The following SERBP1 variants were observed in gnomAD, a reference collection of about 807,000 sequenced individuals.
SERBP1 encodes SERPINE1 mRNA-binding protein 1.
SERBP1 carries 6 observed loss-of-function variants against 50.2 expected under a neutral mutation model. The observed-to-expected ratio is 0.12, with a 90% confidence interval of 0.07 to 0.24. SERBP1 has a LOEUF of 0.24. SERBP1 is among the 10% of genes least tolerant of loss of function. The probability of loss-of-function intolerance (pLI) is 1.00; values close to 1 mark genes in which losing one functional copy is unlikely to be tolerated. For synonymous variants in SERBP1, 168 were observed against 182.8 expected (o/e 0.92, Z 0.65); for missense variants, 346 against 524.9 (o/e 0.66, Z 3.33).
chr1:67,420,910 C>G (rs560172154), intron 5 of SERBP1, among the ~76,000 whole-genome samples: 1 of 152,310 alleles, frequency 6.6e-6, no homozygotes, highest in East Asian at 1.9e-4. Context: ...ATCCTTTCCT[C>G]TTTTTACAGA....
rs1427512836 is a variant in SERBP1, at chr1:67,412,671, CTAAGT to C, written c.*531_*535del. On this transcript the variant is annotated 3_prime_UTR_variant, in exon 8 of 8. Coordinates refer to ENST00000361219, the MANE Select transcript of SERBP1 (RefSeq NM_001018069.2). ...TTCCCCAAAAATGAAAATATTAAAA[CTAAGT>C]TAAAATACATATAGTTAGTATTCCA... The C allele has an allele frequency of 1.3e-5, 2 of 152,532 alleles. No individual in the cohort carries two copies. The highest frequency in any genetic ancestry group is 2.4e-5 in the African/African-American group (1 of 41,392). 9.4% of individuals were successfully genotyped at this position (152,532 alleles called of 1,614,324 possible).
intron 5 of SERBP1, 55 bp from the exon 6 acceptor site, chr1:67,420,241 G>T: frequency 7.7e-7 from 1 of 1,304,592 alleles, no homozygotes; most frequent in Non-Finnish European, 1.1e-6. Context: ...TTACATAAAA[G>T]TATTTTAAAT....
rs188914704 is a variant in SERBP1, at chr1:67,410,109, C to G, written c.*3098G>C. The G allele has an allele frequency of 6.6e-6, 1 of 152,152 alleles. No individual in the cohort carries two copies. The highest frequency in any genetic ancestry group is 2.4e-5 in the African/African-American group (1 of 41,442). 9.4% of individuals were successfully genotyped at this position (152,152 alleles called of 1,614,324 possible). A position where few individuals can be genotyped will look rare whatever the true frequency, so the allele number is the denominator to read the frequency against. On this transcript the variant is annotated 3_prime_UTR_variant, in exon 8 of 8. Coordinates refer to ENST00000361219, the MANE Select transcript of SERBP1 (RefSeq NM_001018069.2). ...ATTGGACTGGAGGTCCACTAATATA[C>G]CTGAATAATCTTACCTCTAAGGTCA...
At position 67,415,632 on chromosome 1, in the gene SERBP1, C is replaced by A. The variant is rs75256068; in HGVS notation, c.952-293G>T. 2.7e-4 allele frequency among the ~76,000 whole-genome samples: 41 copies of A among 152,306 alleles called. No individual in the cohort carries two copies. The East Asian group carries it at 7.9e-3, about 29-fold the overall frequency. The stretch of plus-strand genomic sequence containing the variant: ...ACGGCTGAAGCCCATCCTAGACCTA[C>A]TGAATCATAATCTTTAGCAGTGAAA... On this transcript the variant is annotated intron_variant, in intron 6 of 7. Coordinates refer to ENST00000361219, the MANE Select transcript of SERBP1 (RefSeq NM_001018069.2).
chr1:67,415,681 T>C (rs1462060841), intron 6 of SERBP1, among the ~76,000 whole-genome samples: 3 of 152,178 alleles, frequency 2.0e-5, no homozygotes, highest in East Asian at 1.9e-4. Context: ...ATTTTAAATA[T>C]GCCCTTCAGA....
At chr1:67,417,042 G>C (rs531072638) in intron 6 of SERBP1, among the ~76,000 whole-genome samples, 11 of 152,256 alleles carry the variant, frequency 7.2e-5, no homozygotes, top group African/African-American at 2.6e-4. Context: ...CAGAAGGGCT[G>C]CTTGAGTCCA....
At chr1:67,422,716 T>C (rs1003096400) in intron 5 of SERBP1, among the ~76,000 whole-genome samples, 2 of 152,050 alleles carry the variant, frequency 1.3e-5, no homozygotes, top group African/African-American at 4.8e-5. Context: ...TCCCAGCACT[T>C]TGGAAGGCCA....
intron 6 of SERBP1, among the ~76,000 whole-genome samples, chr1:67,418,700 G>A (rs1327028836): frequency 2.0e-5 from 3 of 152,010 alleles, no homozygotes; most frequent in African/African-American, 7.3e-5. Flanking sequence ...TGGAGGTTGC[G>A]GTAAGCAGAG....
intron 6 of SERBP1, among the ~76,000 whole-genome samples, chr1:67,417,971 GT>G (rs397861816): frequency 0.2 from 15,029 of 76,300 alleles, 418 homozygotes; most frequent in East Asian, 0.36. Flanking sequence ...TTAAAGTGTT[GT>G]TTTTTTTTTT....
chr1:67,423,298 C>T (rs1667262858), intron 5 of SERBP1, among the ~76,000 whole-genome samples: 2 of 145,848 alleles, frequency 1.4e-5, no homozygotes, highest in Non-Finnish European at 1.5e-5. Context: ...CTCCATCTCA[C>T]ACACACAAAA....
chr1:67,425,207 G>A lies in SERBP1; in HGVS notation c.481C>T (p.Pro161Ser). ...CCAAGACCACCACGACCTCGAATAG[G>A]TCGGTCAATAATCGGTCTATAATAT... ...FSVDRPIIDR[P>S]IRGRGGLGRG... The change falls in exon 3 of 8, where the codon CCT becomes TCT. Residue 161 changes from proline to serine, a missense_variant. Around this residue, in one of 5 missense-constraint regions of SERBP1, gnomAD observed 257 missense variants for 331.2 expected, o/e 0.78. Coordinates refer to ENST00000361219, the MANE Select transcript of SERBP1 (RefSeq NM_001018069.2). 2 of 1,607,756 alleles carry A rather than the reference G, an allele frequency of 1.2e-6. No individual in the cohort carries two copies. The highest frequency in any genetic ancestry group is 1.3e-5 in the African/African-American group (1 of 74,574).
At position 67,412,790 on chromosome 1, in the gene SERBP1, C is replaced by G. The variant is rs1344542645; in HGVS notation, c.*417G>C. 6.1e-6 allele frequency: 1 copy of G among 163,740 alleles called. No individual in the cohort carries two copies. The highest frequency in any genetic ancestry group is 2.4e-5 in the African/African-American group (1 of 41,668). 10.1% of individuals were successfully genotyped at this position (163,740 alleles called of 1,614,324 possible). A position where few individuals can be genotyped will look rare whatever the true frequency, so the allele number is the denominator to read the frequency against. On this transcript the variant is annotated 3_prime_UTR_variant, in exon 8 of 8. Transcript: ENST00000361219. ...AAGCAGGTATTAAAACCAGTATGTC[C>G]AATATTTAAAACCAGTTTGTAATTG...
chr1:67,423,026 G>C (rs1269353132), intron 5 of SERBP1, among the ~76,000 whole-genome samples: 2 of 151,446 alleles, frequency 1.3e-5, no homozygotes, highest in Non-Finnish European at 2.9e-5. Flanking sequence ...TTAAAAGCTA[G>C]TGAAGGGCTG....
At chr1:67,416,476 T>C (rs982897213) in intron 6 of SERBP1, among the ~76,000 whole-genome samples, 1 of 152,228 alleles carries the variant, frequency 6.6e-6, no homozygotes, top group Non-Finnish European at 1.5e-5. Context: ...GGTTTTAATC[T>C]TCTAGTTGAA....
chr1:67,415,366 G>C (rs1018614377), intron 6 of SERBP1, 27 bp from the exon 7 acceptor site: 2 of 1,511,202 alleles, frequency 1.3e-6, no homozygotes, highest in African/African-American at 1.4e-5. Context: ...AGATGATTGT[G>C]TTATTAGTAG....
At chr1:67,421,491 A>T (rs950921853) in intron 5 of SERBP1, among the ~76,000 whole-genome samples, 1 of 152,260 alleles carries the variant, frequency 6.6e-6, no homozygotes, top group African/African-American at 2.4e-5. Context: ...ATAAGATTAC[A>T]GACAGTTCTA....
intron 1 of SERBP1, among the ~76,000 whole-genome samples, chr1:67,427,811 T>C (rs989737803): frequency 2.0e-5 from 3 of 152,242 alleles, no homozygotes; most frequent in Admixed American, 6.5e-5. Context: ...TCTTTTGATA[T>C]ACTTATCTAT....
chr1:67,425,531 C>T (rs896449992), intron 2 of SERBP1, among the ~76,000 whole-genome samples: 11 of 152,192 alleles, frequency 7.2e-5, no homozygotes, highest in Admixed American at 6.5e-4. Flanking sequence ...AAAAATTAAA[C>T]ACATCTAACT....
At position 67,415,232 on chromosome 1, in the gene SERBP1, G is replaced by C; in HGVS notation, c.1059C>G (p.Gly353=). The C allele has an allele frequency of 6.2e-7, 1 of 1,612,786 alleles. No individual in the cohort carries two copies. Among genetic ancestry groups the C allele is most frequent in the African/African-American group, 1.3e-5 (1 of 74,966 alleles). The part of the protein sequence containing the change: ...NFGDLGRPGR[G]GRGGRGGRGR... ...CACGTCCACCTCGTCCTCCCCTGCC[G>C]CCACGTCCTGGGCGGCCAAGGTCTC... The change falls in exon 7 of 8, where the codon GGC becomes GGG. Residue 353 remains glycine (G), a synonymous_variant. Transcript: ENST00000361219.
Sources: allele counts gnomAD v4.1 joint callset (sites outside exome capture counted in the v4.1 genomes callset), GRCh38; gene constraint gnomAD v4.1.1; regional missense constraint gnomAD v4.1.1; transcripts MANE v1.5; gene names NCBI Gene and HGNC (gene_info 2026-07-23, HGNC 2026-07-21).